The following RAB3GAP1 variants were observed in gnomAD, a reference collection of about 807,000 sequenced individuals.
RAB3GAP1 encodes RAB3 GTPase activating protein catalytic subunit 1.
RAB3GAP1 carries 86 observed loss-of-function variants against 130.7 expected under a neutral mutation model. The observed-to-expected ratio is 0.66, with a 90% confidence interval of 0.55 to 0.79. The LOEUF is 0.79. Among genes scored for constraint, RAB3GAP1 ranks in the 30% least tolerant of loss-of-function variants. The probability of loss-of-function intolerance (pLI) is 0.00; values close to 1 mark genes in which losing one functional copy is unlikely to be tolerated. For synonymous variants in RAB3GAP1, 367 were observed against 401.7 expected (o/e 0.91, Z 1.03); for missense variants, 1,029 against 1,169.4 (o/e 0.88, Z 1.75).
chr2:135,120,867 A>G lies in RAB3GAP1; in HGVS notation c.697A>G (p.Thr233Ala), dbSNP rs768711448. The G allele has an allele frequency of 1.9e-6, 3 of 1,613,252 alleles. No individual in the cohort carries two copies. In the African/African-American group the frequency reaches 4.0e-5, roughly 22 times the overall value. The change falls in exon 8 of 24, where the codon ACC becomes GCC. Residue 233 changes from threonine to alanine, a missense_variant. Transcript: ENST00000264158. ...LPPVSIAIRF[T>A]YVLQDWQQYF... The stretch of plus-strand genomic sequence containing the variant: ...TCCAGTTAGTATTGCTATTCGATTT[A>G]CCTATGTACTTCAAGATTGGCAGCA...
At chr2:135,149,208 A>G (rs926145589) in intron 17 of RAB3GAP1, among the ~76,000 whole-genome samples, 4 of 152,186 alleles carry the variant, frequency 2.6e-5, no homozygotes, top group Admixed American at 1.3e-4. Context: ...CCCCTTCTTA[A>G]TAGAAAGAAT....
intron 17 of RAB3GAP1, among the ~76,000 whole-genome samples, chr2:135,142,801 T>C (rs1411032592): frequency 6.6e-6 from 1 of 152,108 alleles, no homozygotes; most frequent in Non-Finnish European, 1.5e-5. Flanking sequence ...GTTAATTGCA[T>C]TGATTGATTT....
In RAB3GAP1 at chr2:135,130,669, G is replaced by A. The variant is rs775686438; in HGVS notation, c.1184G>A (p.Arg395Lys). Reference sequence around the variant, plus strand: ...GCAAAGAAGAAAATCCGAAAACACAGAGGTGTAGAGGAGTCACCGCTAAAT... The same window carrying A: ...GCAAAGAAGAAAATCCGAAAACACAAAGGTGTAGAGGAGTCACCGCTAAAT... ...HTAKKKIRKH[R>K]GVEESPLNND... The change falls in exon 13 of 24, where the codon AGA (arginine) becomes AAA (lysine). Residue 395 changes from arginine to lysine, a missense_variant. Physicochemically the swap from Arg to Lys is conservative, Grantham distance 26 (BLOSUM62 2). Around this residue, in one of 3 missense-constraint regions of RAB3GAP1, gnomAD observed 510 missense variants for 532.1 expected, o/e 0.96. Transcript: ENST00000264158. The A allele has an allele frequency of 6.2e-7, 1 of 1,613,824 alleles. No individual in the cohort carries two copies. Among genetic ancestry groups the A allele is most frequent in the Admixed American group, 1.7e-5 (1 of 60,034 alleles).
intron 3 of RAB3GAP1, among the ~76,000 whole-genome samples, chr2:135,063,660 C>G (rs776018550): frequency 6.6e-6 from 1 of 152,092 alleles, no homozygotes. Context: ...GAATTTTCTT[C>G]GTTTTTAATG....
chr2:135,126,162 T>C lies in RAB3GAP1; in HGVS notation c.831-19T>C, dbSNP rs776704864. 1 of 1,582,400 alleles carries C rather than the reference T, an allele frequency of 6.3e-7. No homozygotes were observed. Among genetic ancestry groups the C allele is most frequent in the East Asian group, 2.2e-5 (1 of 44,598 alleles). ...CTGAGTCAGTATTAAAGCTTTTGGGTATATTTTATGTTTTTTAGTGAACTC... is the reference window on the plus strand; with the variant it reads ...CTGAGTCAGTATTAAAGCTTTTGGGCATATTTTATGTTTTTTAGTGAACTC... On this transcript the variant is annotated intron_variant, in intron 9 of 23. Coordinates refer to ENST00000264158, the MANE Select transcript of RAB3GAP1 (RefSeq NM_012233.3).
In RAB3GAP1 at chr2:135,093,611, G is replaced by A. The variant is rs1399067090; in HGVS notation, c.284-4G>A. On this transcript the variant is annotated splice_region_variant and splice_polypyrimidine_tract_variant and intron_variant, in intron 4 of 23. Transcript: ENST00000264158. Reference sequence around the variant, plus strand: ...AACTTTTTCATTATCAAATGTTTTTGTAGATGTTGTTCCACAATCTATGCA... The same window carrying A: ...AACTTTTTCATTATCAAATGTTTTTATAGATGTTGTTCCACAATCTATGCA... The A allele has an allele frequency of 1.2e-6, 2 of 1,609,166 alleles. No individual in the cohort carries two copies. Among genetic ancestry groups the A allele is most frequent in the Admixed American group, 3.3e-5 (2 of 60,012 alleles).
chr2:135,151,917 T>A (rs1267788704), intron 18 of RAB3GAP1, among the ~76,000 whole-genome samples: 1 of 152,230 alleles, frequency 6.6e-6, no homozygotes, highest in Non-Finnish European at 1.5e-5. Flanking sequence ...GGAAACATAC[T>A]ACTCCTTCTT....
intron 23 of RAB3GAP1, chr2:135,165,284 T>C: frequency 2.6e-6 from 1 of 390,342 alleles, no homozygotes; most frequent in Non-Finnish European, 5.0e-6. Flanking sequence ...TTTAAAATTA[T>C]ATTGTATCTT....
At chr2:135,072,290 C>G (rs985381706) in intron 3 of RAB3GAP1, among the ~76,000 whole-genome samples, 1 of 152,154 alleles carries the variant, frequency 6.6e-6, no homozygotes, top group African/African-American at 2.4e-5. Flanking sequence ...CAACTGAATC[C>G]AGGGAAGATT....
chr2:135,080,058 A>G (rs918716105), intron 3 of RAB3GAP1, among the ~76,000 whole-genome samples: 10 of 146,746 alleles, frequency 6.8e-5, no homozygotes, highest in Non-Finnish European at 1.3e-4. Context: ...CGGAGCTTGC[A>G]GTGAGCGGAG....
At chr2:135,068,776 A>G (rs1172917003) in intron 3 of RAB3GAP1, among the ~76,000 whole-genome samples, 1 of 152,014 alleles carries the variant, frequency 6.6e-6, no homozygotes, top group Non-Finnish European at 1.5e-5. Context: ...AAACAAAACA[A>G]TCCATGCTTA....
intron 23 of RAB3GAP1, among the ~76,000 whole-genome samples, chr2:135,166,745 G>A (rs924863855): frequency 4.6e-5 from 7 of 152,008 alleles, no homozygotes; most frequent in Admixed American, 4.6e-4. Context: ...AATTTTAAAA[G>A]TAGGGTTATA....
At chr2:135,142,603 G>A (rs138628701) in intron 17 of RAB3GAP1, among the ~76,000 whole-genome samples, 58 of 152,190 alleles carry the variant, frequency 3.8e-4, no homozygotes, top group Middle Eastern at 6.8e-3. Context: ...CAGAAAGAAA[G>A]CATATGATAG....
chr2:135,132,331 A>T (rs772677926), intron 13 of RAB3GAP1, among the ~76,000 whole-genome samples: 2 of 152,030 alleles, frequency 1.3e-5, no homozygotes, highest in Non-Finnish European at 2.9e-5. Context: ...TTTTTTGACC[A>T]CTCGTACATG....
In RAB3GAP1 at chr2:135,091,088, C is replaced by T. The variant is rs1441608432; in HGVS notation, c.241C>T (p.Gln81Ter). Residue 81 changes from glutamine to a stop codon, truncating the protein, a stop_gained, in exon 4 of 24, where the codon CAA becomes TAA. Coordinates refer to ENST00000264158, the MANE Select transcript of RAB3GAP1 (RefSeq NM_012233.3). LOFTEE classifies it high-confidence loss of function. ...CTCAGTCACTCATCATTATCTTGTA[C>T]AAGAGTCCACTGATAAAGAAGGAAA... ...KFSVTHHYLVQESTDKEGKDE... is the reference protein window; with the variant it reads ...KFSVTHHYLV The T allele has an allele frequency of 6.2e-7, 1 of 1,600,956 alleles. No individual in the cohort carries two copies. Among genetic ancestry groups the T allele is most frequent in the African/African-American group, 1.3e-5 (1 of 74,524 alleles).
At position 135,164,579 on chromosome 2, in the gene RAB3GAP1, G is replaced by GT; in HGVS notation, c.2607-14dup. The GT allele has an allele frequency of 6.3e-7, 1 of 1,593,942 alleles. No homozygotes were observed. Among genetic ancestry groups the GT allele is most frequent in the South Asian group, 1.1e-5 (1 of 90,540 alleles). On this transcript the variant is annotated splice_polypyrimidine_tract_variant and intron_variant, in intron 22 of 23. Transcript: ENST00000264158. The stretch of plus-strand genomic sequence containing the variant: ...CTCACTTTCCACCCTTTCATTGCCT[G>GT]TCTCTGTCTCCTAGGTTTGTGAGTT...
At chr2:135,146,382 T>C (rs1691995246) in intron 17 of RAB3GAP1, among the ~76,000 whole-genome samples, 1 of 151,942 alleles carries the variant, frequency 6.6e-6, no homozygotes, top group Non-Finnish European at 1.5e-5. Flanking sequence ...TGACTAATTT[T>C]TGTATTTTTA....
At chr2:135,110,013 C>T (rs969340964) in intron 5 of RAB3GAP1, among the ~76,000 whole-genome samples, 1 of 151,676 alleles carries the variant, frequency 6.6e-6, no homozygotes, top group African/African-American at 2.4e-5. Flanking sequence ...TGTTAGTTTA[C>T]TTTTGATGAA....
At chr2:135,074,961 C>G (rs1413611231) in intron 3 of RAB3GAP1, among the ~76,000 whole-genome samples, 1 of 152,084 alleles carries the variant, frequency 6.6e-6, no homozygotes, top group East Asian at 1.9e-4. Context: ...GATTAGTTGT[C>G]TCTTGGAACA....
Sources: gnomAD v4.1 joint callset for allele counts (sites outside exome capture counted in the v4.1 genomes callset) on GRCh38, gnomAD v4.1.1 for gene constraint, gnomAD v4.1.1 regional missense constraint, MANE v1.5 for transcripts, NCBI Gene and HGNC (gene_info 2026-07-23, HGNC 2026-07-21) for gene names.